The following AUTS2 variants were observed in gnomAD, a reference collection of about 807,000 sequenced individuals.
The protein encoded by AUTS2 is autism susceptibility gene 2 protein.
In AUTS2, 17 loss-of-function variants were observed where a neutral mutation model predicts 112.4. The observed-to-expected ratio is 0.15, with a 90% CI of 0.10 to 0.23. The LOEUF (loss-of-function observed/expected upper bound fraction) is 0.23, where lower values mean the gene tolerates loss of function less well. Among genes scored for constraint, AUTS2 ranks in the 10% least tolerant of loss-of-function variants. The pLI, the probability that AUTS2 is intolerant of heterozygous loss-of-function variation, is 1.00. For missense variants in AUTS2, 1,510 were observed against 1,701.6 expected, an observed-to-expected ratio of 0.89 and a Z score of 1.98; for synonymous variants, 751 against 702.7, an observed-to-expected ratio of 1.07 and a Z score of -1.09.
chr7:70,295,854 T>G (rs1336944451), intron 4 of AUTS2, among the ~76,000 whole-genome samples: 1 of 152,202 alleles, frequency 6.6e-6, no homozygotes, highest in Non-Finnish European at 1.5e-5. Flanking sequence ...GTTCATAGTA[T>G]AGATTTGAAG....
intron 4 of AUTS2, among the ~76,000 whole-genome samples, chr7:70,164,625 C>CT (rs1451845411): frequency 2.0e-5 from 3 of 152,114 alleles, no homozygotes; most frequent in Non-Finnish European, 1.5e-5. Context: ...TCACAGCAGT[C>CT]TATCAGAGGA....
intron 5 of AUTS2, among the ~76,000 whole-genome samples, chr7:70,592,056 A>G (rs1802973279): frequency 6.6e-6 from 1 of 152,242 alleles, no homozygotes; most frequent in Non-Finnish European, 1.5e-5. Context: ...ATAAAATTAG[A>G]AAGTTATGCT....
intron 4 of AUTS2, among the ~76,000 whole-genome samples, chr7:70,407,552 G>A (rs766138843): frequency 9.5e-4 from 144 of 152,272 alleles, no homozygotes; most frequent in Admixed American, 2.2e-3. Context: ...GTACATGCCC[G>A]TCACATAAAG....
intron 1 of AUTS2, among the ~76,000 whole-genome samples, chr7:69,817,779 G>A (rs1434918140): frequency 6.6e-6 from 1 of 152,206 alleles, no homozygotes; most frequent in African/African-American, 2.4e-5. Context: ...GGTCCAGGAG[G>A]CAGGTGCTGT....
chr7:70,256,897 C>T (rs1187946792), intron 4 of AUTS2, among the ~76,000 whole-genome samples: 2 of 151,340 alleles, frequency 1.3e-5, no homozygotes, highest in African/African-American at 2.4e-5. Context: ...GAATTGCCTT[C>T]ACAGTCAACT....
At chr7:70,237,105 A>G (rs1812367741) in intron 4 of AUTS2, among the ~76,000 whole-genome samples, 2 of 152,114 alleles carry the variant, frequency 1.3e-5, no homozygotes, top group Non-Finnish European at 2.9e-5. Flanking sequence ...CTTGCACTAG[A>G]CTCTAGACCT....
chr7:70,094,670 T>A (rs895743268), intron 2 of AUTS2, among the ~76,000 whole-genome samples: 1 of 152,210 alleles, frequency 6.6e-6, no homozygotes, highest in Non-Finnish European at 1.5e-5. Flanking sequence ...AAATGGCTCA[T>A]TGGTAGGGTT....
At chr7:70,555,896 C>G (rs1343662665) in intron 5 of AUTS2, among the ~76,000 whole-genome samples, 4 of 151,720 alleles carry the variant, frequency 2.6e-5, no homozygotes, top group Non-Finnish European at 5.9e-5. Flanking sequence ...CCTCTGCCTC[C>G]CGGGTTCATG....
At chr7:69,938,203 T>C (rs1406657208) in intron 2 of AUTS2, among the ~76,000 whole-genome samples, 1 of 152,214 alleles carries the variant, frequency 6.6e-6, no homozygotes, top group Non-Finnish European at 1.5e-5. Flanking sequence ...AAAGACCTTT[T>C]AGTTTCATCA....
At chr7:69,761,222 G>T (rs1483877021) in intron 1 of AUTS2, among the ~76,000 whole-genome samples, 1 of 152,200 alleles carries the variant, frequency 6.6e-6, no homozygotes, top group East Asian at 1.9e-4. Flanking sequence ...CTCAGATCTG[G>T]TCTTTAACCT....
At chr7:70,656,367 A>G (rs1314800552) in intron 5 of AUTS2, among the ~76,000 whole-genome samples, 2 of 152,084 alleles carry the variant, frequency 1.3e-5, no homozygotes, top group Non-Finnish European at 2.9e-5. Flanking sequence ...AATAGTTTAA[A>G]TATTATTTAA....
At chr7:70,105,322 C>CA (rs761266169) in intron 2 of AUTS2, among the ~76,000 whole-genome samples, 1 of 151,992 alleles carries the variant, frequency 6.6e-6, no homozygotes, top group Non-Finnish European at 1.5e-5. Flanking sequence ...GTGCAGTGGC[C>CA]AATCATAGCT....
In AUTS2 at chr7:69,672,888, G is replaced by C. The variant is rs190283730; in HGVS notation, c.309+72926G>C. Among the ~76,000 whole-genome samples, 368 of 152,318 alleles carry C rather than the reference G, an allele frequency of 2.4e-3. 2 individuals are homozygous for C. Among genetic ancestry groups the C allele is most frequent in the African/African-American group, 8.4e-3 (349 of 41,566 alleles). ...TGGAGAGGGCAGCAAAATGCCAGTT[G>C]TGATTTTTGGGCTTGGCTATGTTGG... is the stretch of plus-strand genomic sequence containing the variant. On this transcript the variant is annotated intron_variant, in intron 1 of 18. Coordinates refer to ENST00000342771, the MANE Select transcript of AUTS2 (RefSeq NM_015570.4).
chr7:70,475,903 C>T (rs376913514), intron 5 of AUTS2, among the ~76,000 whole-genome samples: 5 of 152,192 alleles, frequency 3.3e-5, no homozygotes, highest in East Asian at 3.9e-4. Context: ...GTGGTGGGTG[C>T]CTGTAGTCCC....
intron 4 of AUTS2, among the ~76,000 whole-genome samples, chr7:70,164,007 G>A (rs982247280): frequency 7.2e-5 from 11 of 152,160 alleles, no homozygotes; most frequent in Non-Finnish European, 1.6e-4. Context: ...GCAAGAGCAT[G>A]GGAAGAAACG....
intron 2 of AUTS2, among the ~76,000 whole-genome samples, chr7:70,003,253 GAATATAT>G (rs1373839686): frequency 1.9e-4 from 22 of 114,120 alleles, no homozygotes; most frequent in East Asian, 4.7e-4. Context: ...TATTATATAT[GAATATAT>G]AATATATTAT....
chr7:69,824,516 G>A (rs1791152750), intron 1 of AUTS2: 2 of 151,750 alleles, frequency 1.3e-5, no homozygotes, highest in Admixed American at 1.3e-4. Flanking sequence ...ATTTATATAG[G>A]AACCGAAACC....
chr7:70,327,491 C>A (rs1052718193), intron 4 of AUTS2, among the ~76,000 whole-genome samples: 1 of 152,142 alleles, frequency 6.6e-6, no homozygotes, highest in East Asian at 1.9e-4. Flanking sequence ...AAGAAATTTG[C>A]CTTGAGAATA....
At position 70,718,115 on chromosome 7, in the gene AUTS2, G is replaced by A. The variant is rs561832889; in HGVS notation, c.742+19495G>A. On this transcript the variant is annotated intron_variant, in intron 6 of 18. Transcript: ENST00000342771. ...CTGTTTCGTGGTCTGTCTGCTCCCT[G>A]TGCCACCCCCACCCCATCAGGTGGG... Among the ~76,000 whole-genome samples, 79 of 152,222 alleles carry A rather than the reference G, an allele frequency of 5.2e-4. 1 individual carries two copies. In the Middle Eastern group the frequency reaches 0.01, roughly 20 times the overall value.
Sources: allele counts gnomAD v4.1 joint callset (sites outside exome capture counted in the v4.1 genomes callset), GRCh38; gene constraint gnomAD v4.1.1; transcripts MANE v1.5; gene names NCBI Gene and HGNC (gene_info 2026-07-23, HGNC 2026-07-21).